Variants in SCN7A observed in about 807,000 individuals in gnomAD.
SCN7A encodes sodium channel protein type 7 subunit alpha.
SCN7A carries 138 observed loss-of-function variants against 155.2 expected under a neutral mutation model. The observed-to-expected ratio is 0.89, with a 90% confidence interval of 0.77 to 1.02. The LOEUF (loss-of-function observed/expected upper bound fraction) is 1.02. Among genes scored for constraint, SCN7A ranks in the 50% least tolerant of loss-of-function variants. The pLI is 0.00. For missense variants in SCN7A, 2,058 were observed against 1,986.6 expected (o/e 1.04, Z -0.68); for synonymous variants, 693 against 649.0 (o/e 1.07, Z -1.03).
At chr2:166,421,119 C>A in intron 20 of SCN7A, 71 bp downstream of exon 20, 1 of 976,542 alleles carries the variant, frequency 1.0e-6, no homozygotes, top group East Asian at 2.7e-5. Context: ...GAAAACAAAG[C>A]TTCCCAATTT....
intron 23 of SCN7A, among the ~76,000 whole-genome samples, chr2:166,412,077 C>T (rs75496810): frequency 0.041 from 6,281 of 152,070 alleles, 154 homozygotes; most frequent in African/African-American, 0.05. Context: ...ACTTAGGCCA[C>T]CCAGTTAGGA....
chr2:166,481,603 T>A (rs140728180), intron 2 of SCN7A, among the ~76,000 whole-genome samples: 1 of 152,184 alleles, frequency 6.6e-6, no homozygotes, highest in Non-Finnish European at 1.5e-5. Flanking sequence ...ATATAACCTG[T>A]ATCTGTGTTG....
chr2:166,446,314 A>G (rs1477361636), intron 12 of SCN7A, among the ~76,000 whole-genome samples: 1 of 152,224 alleles, frequency 6.6e-6, no homozygotes, highest in Non-Finnish European at 1.5e-5. Context: ...TCAAAACCAC[A>G]ATGAGACACC....
chr2:166,484,202 C>A (rs942131537), intron 2 of SCN7A, among the ~76,000 whole-genome samples: 1 of 151,712 alleles, frequency 6.6e-6, no homozygotes, highest in Non-Finnish European at 1.5e-5. Context: ...AGAATATGGA[C>A]TATGGGGAAA....
chr2:166,444,503 C>G (rs1702021433), intron 13 of SCN7A, among the ~76,000 whole-genome samples: 1 of 152,304 alleles, frequency 6.6e-6, no homozygotes, highest in East Asian at 1.9e-4. Flanking sequence ...TGTAATGTAA[C>G]TGCCAAGCAT....
intron 10 of SCN7A, among the ~76,000 whole-genome samples, chr2:166,460,558 T>A (rs1433268262): frequency 6.6e-6 from 1 of 152,082 alleles, no homozygotes; most frequent in African/African-American, 2.4e-5. Context: ...ACCATAGCAT[T>A]CCAGTGTAGG....
intron 15 of SCN7A, chr2:166,436,430 C>A (rs2105422395): frequency 2.3e-6 from 1 of 433,990 alleles, no homozygotes. Flanking sequence ...TTTCCTGAGG[C>A]CTCCCAAGCC....
At chr2:166,407,899 G>A (rs185215463) in intron 25 of SCN7A, among the ~76,000 whole-genome samples, 271 of 152,008 alleles carry the variant, frequency 1.8e-3, no homozygotes, top group African/African-American at 6.3e-3. Context: ...AAGCCCTGGT[G>A]TGTGTTGTTC....
intron 9 of SCN7A, among the ~76,000 whole-genome samples, chr2:166,463,278 C>T (rs1262533417): frequency 6.6e-6 from 1 of 152,106 alleles, no homozygotes; most frequent in Non-Finnish European, 1.5e-5. Context: ...TCTTGTGTTC[C>T]ATTATTACAG....
Position 166,409,715 on chromosome 2 carries a change from G to A in SCN7A, c.3932C>T (p.Thr1311Ile), listed in dbSNP as rs757046481. 1 of 1,542,928 alleles carries A rather than the reference G, an allele frequency of 6.5e-7. No individual in the cohort carries two copies. The highest frequency in any genetic ancestry group is 1.2e-5 in the South Asian group (1 of 81,416). The change falls in exon 25 of 26, where the codon ACC becomes ATC. Residue 1311 changes from threonine to isoleucine, a missense_variant. Thr to Ile is a moderately conservative substitution (Grantham distance 89). Transcript: ENST00000643258. ...KLIAFRCFYF[T>I]IAWNIFDFMV... ...AAAATCAAAAATGTTCCACGCAATGGTGAAATAAAAACAACGGAAAGCGAT... is the reference window on the plus strand; with the variant it reads ...AAAATCAAAAATGTTCCACGCAATGATGAAATAAAAACAACGGAAAGCGAT...
At position 166,432,626 on chromosome 2, in the gene SCN7A, C is replaced by T. The variant is rs376252927; in HGVS notation, c.2284G>A (p.Val762Met). The stretch of plus-strand genomic sequence containing the variant: ...GTTTTGCATAGTATTTTAAGAAGCA[C>T]ATAGTTTATTCCTTTTTTAATTCTT... Reference protein sequence around the residue: ...VARIKKGINYVLLKILCKTQN... With the variant: ...VARIKKGINYMLLKILCKTQN... The change falls in exon 16 of 26, where the codon GTG (valine) becomes ATG (methionine). Residue 762 changes from valine (V) to methionine (M), a missense_variant. Transcript: ENST00000643258. The T allele has an allele frequency of 1.7e-5, 28 of 1,612,066 alleles. No homozygotes were observed. The highest frequency in any genetic ancestry group is 9.4e-5 in the African/African-American group (7 of 74,802).
At chr2:166,424,012 T>C (rs894370677) in intron 18 of SCN7A, among the ~76,000 whole-genome samples, 8 of 152,214 alleles carry the variant, frequency 5.3e-5, no homozygotes, top group African/African-American at 1.9e-4. Context: ...TTGAAAGCAA[T>C]TTCATAAATA....
intron 9 of SCN7A, 29 bp from the exon 10 acceptor site, chr2:166,462,559 T>C (rs1013575945): frequency 1.9e-6 from 3 of 1,605,952 alleles, no homozygotes; most frequent in South Asian, 2.2e-5. Context: ...AAAACCTGCT[T>C]ACTATTAGGT....
At chr2:166,451,511 T>G (rs549105571) in intron 11 of SCN7A, among the ~76,000 whole-genome samples, 51 of 152,254 alleles carry the variant, frequency 3.3e-4, no homozygotes, top group Non-Finnish European at 6.3e-4. Context: ...CAAAACTAGT[T>G]TAAGTATTTT....
At chr2:166,418,900 A>G (rs1449674258) in intron 20 of SCN7A, among the ~76,000 whole-genome samples, 1 of 152,210 alleles carries the variant, frequency 6.6e-6, no homozygotes, top group Non-Finnish European at 1.5e-5. Flanking sequence ...CTTCAGAGAT[A>G]ATTTACAGAA....
chr2:166,491,548 A>T (rs1575073950), intron 1 of SCN7A, among the ~76,000 whole-genome samples: 1 of 152,326 alleles, frequency 6.6e-6, no homozygotes, highest in South Asian at 2.1e-4. Flanking sequence ...ATAACCTCTG[A>T]AGCCCTCAGA....
At chr2:166,426,177 C>T (rs370116097) in intron 18 of SCN7A, among the ~76,000 whole-genome samples, 5 of 152,202 alleles carry the variant, frequency 3.3e-5, no homozygotes, top group East Asian at 1.9e-4. Context: ...GATCCAAAGA[C>T]GCATTATCAG....
Position 166,472,376 on chromosome 2 carries a change from T to C in SCN7A, c.513A>G (p.Gly171=). Reference sequence around the variant, plus strand: ...ATGGATCACCGAGGAAGGAAAATGATCCTGCCCAGACACCTCTTGCAAAGA... The same window carrying C: ...ATGGATCACCGAGGAAGGAAAATGACCCTGCCCAGACACCTCTTGCAAAGA... The part of the protein sequence containing the change: ...VKLFARGVWA[G]SFSFLGDPWN... The change falls in exon 6 of 26, where the codon GGA becomes GGG. Residue 171 remains glycine (G), a synonymous_variant. Coordinates refer to ENST00000643258, the MANE Select transcript of SCN7A (RefSeq NM_002976.4). 1 of 1,608,858 alleles carries C rather than the reference T, an allele frequency of 6.2e-7. No individual in the cohort carries two copies. The highest frequency in any genetic ancestry group is 1.3e-5 in the African/African-American group (1 of 74,854).
At chr2:166,483,030 T>C (rs1410165250) in intron 2 of SCN7A, among the ~76,000 whole-genome samples, 1 of 152,066 alleles carries the variant, frequency 6.6e-6, no homozygotes, top group Non-Finnish European at 1.5e-5. Context: ...TAAAGTAAGC[T>C]TTTGGCAATA....
Sources: gnomAD v4.1 joint callset for allele counts (sites outside exome capture counted in the v4.1 genomes callset) on GRCh38, gnomAD v4.1.1 for gene constraint, MANE v1.5 for transcripts, NCBI Gene and HGNC (gene_info 2026-07-23, HGNC 2026-07-21) for gene names.